Variants in ESYT3 observed in about 807,000 individuals in gnomAD.
ESYT3 encodes the protein extended synaptotagmin-3.
Under a neutral mutation model 111.5 loss-of-function variants are expected in ESYT3, and 101 were observed. The observed-to-expected ratio is 0.91, with a 90% CI of 0.77 to 1.07. ESYT3 has a LOEUF of 1.07. Among genes scored for constraint, ESYT3 ranks in the 50% least tolerant of loss-of-function variants. ESYT3 has a pLI of 0.00. For missense variants in ESYT3, 1,097 were observed against 1,109.4 expected, an observed-to-expected ratio of 0.99 and a Z score of 0.16; for synonymous variants, 416 against 446.8, an observed-to-expected ratio of 0.93 and a Z score of 0.87.
intron 3 of ESYT3, 21 bp from the exon 4 acceptor site, chr3:138,457,547 C>A (rs1053146170): frequency 1.2e-6 from 2 of 1,613,144 alleles, no homozygotes; most frequent in African/African-American, 2.7e-5. Context: ...TCTGACCTAG[C>A]CCTTTTGGCA....
At chr3:138,476,671 TA>T in intron 22 of ESYT3, 146 bp from the exon 23 acceptor site, 1 of 1,054,690 alleles carries the variant, frequency 9.5e-7, no homozygotes, top group Non-Finnish European at 1.4e-6. Context: ...ACTCTAGCCT[TA>T]ACCCTGAACC....
intron 10 of ESYT3, 50 bp downstream of exon 10, chr3:138,465,471 C>CG: frequency 6.8e-7 from 1 of 1,460,214 alleles, no homozygotes; most frequent in Non-Finnish European, 9.4e-7. Flanking sequence ...TCCCTCCCTG[C>CG]GGGGTGCTGG....
In ESYT3 at chr3:138,472,770, GCCGCCCAAGAGGCTGGCTCCCAGCATGT is replaced by G. The variant is rs761379444; in HGVS notation, c.2151_2178del (p.Pro718ArgfsTer48). The G allele has an allele frequency of 2.5e-6, 4 of 1,614,080 alleles. No homozygotes were observed. The highest frequency in any genetic ancestry group is 4.5e-5 in the East Asian group (2 of 44,900). On this transcript the variant is annotated frameshift_variant, in exon 18 of 23. Coordinates refer to ENST00000389567, the MANE Select transcript of ESYT3 (RefSeq NM_031913.5). LOFTEE classifies it high-confidence loss of function. ...AATGCCCTGCCTCCCCATTCGCATG[GCCGCCCAAGAGGCTGGCTCCCAGCATGT>G]CCTCGCTCAACTCCTTGGCCTCTTC...
At chr3:138,462,272 C>T (rs1405620598) in intron 8 of ESYT3, 66 bp downstream of exon 8, 4 of 1,606,726 alleles carry the variant, frequency 2.5e-6, no homozygotes, top group Non-Finnish European at 3.4e-6. Flanking sequence ...TCTCAGCCTT[C>T]ACATGTGGTG....
intron 2 of ESYT3, among the ~76,000 whole-genome samples, chr3:138,454,336 A>C (rs1291705297): frequency 1.3e-5 from 2 of 152,116 alleles, no homozygotes; most frequent in Non-Finnish European, 2.9e-5. Flanking sequence ...CCAGGAGTTC[A>C]AGACCAGTCT....
rs1291123031 is a variant in ESYT3 at position 138,472,515 on chromosome 3, A to G, written c.1893A>G (p.Pro631=). 6.2e-7 allele frequency: 1 copy of G among 1,614,128 alleles called. No homozygotes were observed. The highest frequency in any genetic ancestry group is 1.3e-5 in the African/African-American group (1 of 74,942). ...GCCCTACAGATTTGCCATGTCCCCC[A>G]GACCCTGCTTCTGATACTAAGGACG... ...EEGPTDLPCP[P]DPASDTKDVS... is the part of the protein sequence containing the mutation. Residue 631 remains proline, a synonymous_variant, in exon 18 of 23, where the codon CCA becomes CCG. Transcript: ENST00000389567.
intron 1 of ESYT3, among the ~76,000 whole-genome samples, chr3:138,439,395 TG>T (rs1289995505): frequency 1.3e-5 from 2 of 152,152 alleles, no homozygotes; most frequent in Non-Finnish European, 2.9e-5. Flanking sequence ...CCTGCTCCTG[TG>T]GGTTCTCGGA....
chr3:138,473,418 A>G, intron 18 of ESYT3, 118 bp from the exon 19 acceptor site: 1 of 845,026 alleles, frequency 1.2e-6, no homozygotes, highest in South Asian at 2.0e-5. Flanking sequence ...CTCACTGTGA[A>G]TTATTATCCT....
rs192385450 is a variant in ESYT3, at chr3:138,462,499, C to T, written c.915+293C>T. ...CATTGACTTGTTTCATTCTGGTCTC[C>T]ATTTTTAGGGTTTTATACCTTAACT... On this transcript the variant is annotated intron_variant, in intron 8 of 22. Transcript: ENST00000389567. The T allele has an allele frequency of 3.2e-3, 1,667 of 524,250 alleles. 7 individuals carry two copies. The highest frequency in any genetic ancestry group is 0.016 in the Middle Eastern group (33 of 2,058). The allele number at this position is 524,250 out of a possible 1,614,324, so 32.5% of individuals were successfully genotyped here. A position where few individuals can be genotyped will look rare whatever the true frequency, so the allele number is the denominator to read the frequency against.
Position 138,453,529 on chromosome 3 carries a change from C to T in ESYT3, c.369+1440C>T, listed in dbSNP as rs145924313. Among the ~76,000 whole-genome samples, 23 of 152,320 alleles carry T rather than the reference C, an allele frequency of 1.5e-4. 1 individual carries two copies. The East Asian group carries it at 1.9e-3, about 13-fold the overall frequency. On this transcript the variant is annotated intron_variant, in intron 2 of 22. Transcript: ENST00000389567. ...GGGAACAATGAGCCCTAAAATCTCA[C>T]AGCCTTTAGGCTCCTCCAATGATGG... is the stretch of plus-strand genomic sequence containing the variant.
At chr3:138,461,981 C>A (rs975289165) in intron 7 of ESYT3, 105 bp from the exon 8 acceptor site, 2 of 1,542,598 alleles carry the variant, frequency 1.3e-6, no homozygotes, top group South Asian at 1.2e-5. Flanking sequence ...CTAGGTGGGG[C>A]CCACCCTACC....
downstream of ESYT3, chr3:138,480,218 AAAAGT>A (rs368006954): frequency 3.3e-4 from 50 of 152,352 alleles, 1 homozygote; most frequent in South Asian, 7.0e-3. Context: ...CTAGAATGTC[AAAAGT>A]AAAAAGCAGT....
chr3:138,454,412 A>T (rs1041049837), intron 2 of ESYT3, among the ~76,000 whole-genome samples: 2 of 152,038 alleles, frequency 1.3e-5, no homozygotes, highest in Non-Finnish European at 2.9e-5. Context: ...AAAAAAATTC[A>T]CTGGGTGTGG....
At position 138,462,252 on chromosome 3, in the gene ESYT3, G is replaced by A. The variant is rs187584912; in HGVS notation, c.915+46G>A. On this transcript the variant is annotated intron_variant, in intron 8 of 22. Transcript: ENST00000389567. ...ACAGACCAGCCTGCTGGGAGGCAGC[G>A]CAAATATCCTCTCAGCCTTCACATG... 9.1e-4 allele frequency: 1,468 copies of A among 1,612,866 alleles called. 1 individual carries two copies. The highest frequency in any genetic ancestry group is 2.4e-3 in the South Asian group (219 of 90,996).
intron 3 of ESYT3, among the ~76,000 whole-genome samples, 189 bp downstream of exon 3, chr3:138,455,517 C>A (rs948360739): frequency 6.6e-6 from 1 of 152,166 alleles, no homozygotes; most frequent in Non-Finnish European, 1.5e-5. Context: ...ACCCTTCCCC[C>A]ACATCCCTGT....
chr3:138,480,409 A>ATAAT (rs2033667895), downstream of ESYT3: 1 of 27,238 alleles, frequency 3.7e-5, no homozygotes. Flanking sequence ...AGCCTGAGTA[A>ATAAT]TAATAGGGCA....
In ESYT3 at chr3:138,455,306, C is replaced by A; in HGVS notation, c.482C>A (p.Thr161Asn). Residue 161 changes from threonine to asparagine, a missense_variant, in exon 3 of 23, where the codon ACC (threonine) becomes AAC (asparagine). Physicochemically the swap from Thr to Asn is moderately conservative, Grantham distance 65 (BLOSUM62 0). Coordinates refer to ENST00000389567, the MANE Select transcript of ESYT3 (RefSeq NM_031913.5). ...ATCCACCTGAGGACCTTTACCTTTACCAAGCTCTACTTTGGACAGAAGGTG... is the reference window on the plus strand; with the variant it reads ...ATCCACCTGAGGACCTTTACCTTTAACAAGCTCTACTTTGGACAGAAGGTG... ...KSIHLRTFTF[T>N]KLYFGQKCPR... The A allele has an allele frequency of 6.2e-7, 1 of 1,614,114 alleles. No homozygotes were observed.
intron 12 of ESYT3, 142 bp from the exon 13 acceptor site, chr3:138,468,513 C>G: frequency 2.5e-6 from 2 of 790,160 alleles, no homozygotes; most frequent in Non-Finnish European, 4.3e-6. Flanking sequence ...CAACAAAATG[C>G]TAGGTTGTGA....
At chr3:138,476,780 C>T (rs760784279) in intron 22 of ESYT3, 38 bp from the exon 23 acceptor site, 1 of 1,606,160 alleles carries the variant, frequency 6.2e-7, no homozygotes. Context: ...AACACACTGT[C>T]ATTACTAACG....
Sources: allele counts gnomAD v4.1 joint callset (sites outside exome capture counted in the v4.1 genomes callset), GRCh38; gene constraint gnomAD v4.1.1; transcripts MANE v1.5; gene names NCBI Gene and HGNC (gene_info 2026-07-23, HGNC 2026-07-21).